MTUS2: variants seen among roughly 807,000 people sequenced by gnomAD.
MTUS2 encodes the protein microtubule-associated tumor suppressor candidate 2.
Under a neutral mutation model 114.1 loss-of-function variants are expected in MTUS2, and 40 were observed. That is an observed-to-expected ratio of 0.35 (90% confidence interval 0.27 to 0.46). The LOEUF is 0.46. Ranked by LOEUF, MTUS2 falls within the 20% of genes least tolerant of loss-of-function variation. The pLI, the probability that MTUS2 is intolerant of heterozygous loss-of-function variation, is 1.00. For missense variants in MTUS2, 1,679 were observed against 1,705.4 expected (o/e 0.98, Z 0.27); for synonymous variants, 688 against 672.0 (o/e 1.02, Z -0.37).
chr13:29,289,378 A>C (rs1242735909), intron 6 of MTUS2, among the ~76,000 whole-genome samples: 1 of 152,244 alleles, frequency 6.6e-6, no homozygotes, highest in Non-Finnish European at 1.5e-5. Flanking sequence ...GTCAGTTAAA[A>C]AATGTGTGGG....
intron 4 of MTUS2, among the ~76,000 whole-genome samples, chr13:29,041,532 G>A (rs1221013230): frequency 6.6e-6 from 1 of 152,082 alleles, no homozygotes; most frequent in Non-Finnish European, 1.5e-5. Context: ...ATTGCTTTTG[G>A]CAGTGTGGTC....
intron 2 of MTUS2, among the ~76,000 whole-genome samples, chr13:28,922,811 GT>G (rs773878957): frequency 2.0e-5 from 3 of 152,160 alleles, no homozygotes; most frequent in Non-Finnish European, 4.4e-5. Context: ...ATTTTTGGTT[GT>G]TGTGATAGTG....
intron 6 of MTUS2, among the ~76,000 whole-genome samples, chr13:29,287,060 C>T (rs372226369): frequency 4.6e-5 from 7 of 152,322 alleles, no homozygotes; most frequent in African/African-American, 1.7e-4. Flanking sequence ...ATTTGGTTCT[C>T]ACAAAGACCC....
intron 5 of MTUS2, among the ~76,000 whole-genome samples, chr13:29,142,994 A>G (rs969541782): frequency 7.2e-5 from 11 of 152,236 alleles, no homozygotes; most frequent in African/African-American, 2.7e-4. Context: ...CAAAAACCAG[A>G]GAAGATTGGA....
chr13:28,836,426 G>C (rs1875091113), intron 1 of MTUS2, among the ~76,000 whole-genome samples: 1 of 152,218 alleles, frequency 6.6e-6, no homozygotes, highest in South Asian at 2.1e-4. Context: ...AGCTTTGGCT[G>C]TAGTGCTGCA....
chr13:29,350,964 T>TATATATATATATATATATATATC (rs1566147394), intron 7 of MTUS2, among the ~76,000 whole-genome samples: 1 of 20,926 alleles, frequency 4.8e-5, no homozygotes, highest in Non-Finnish European at 1.5e-4. Flanking sequence ...ATATTTCATA[T>TATATATATATATATATATATATC]ATATATATAT....
At chr13:29,445,840 G>A (rs1402463500) in intron 9 of MTUS2, among the ~76,000 whole-genome samples, 1 of 151,998 alleles carries the variant, frequency 6.6e-6, no homozygotes, top group Admixed American at 6.5e-5. Context: ...CCTGGGAGGC[G>A]GATGTTGCAG....
intron 2 of MTUS2, among the ~76,000 whole-genome samples, chr13:28,935,286 T>C (rs769130980): frequency 2.0e-5 from 3 of 152,178 alleles, no homozygotes; most frequent in Non-Finnish European, 4.4e-5. Flanking sequence ...TCTTTTGTTC[T>C]AAACAGGAGT....
In MTUS2 at chr13:29,118,677, TGTGA is replaced by T. The variant is rs1891187632; in HGVS notation, c.2644+17711_2644+17714del. ...GATCCCTGGAGAGCAGTGGGGGTGG[TGTGA>T]GTGTTTGTGCTGAGCATGGAAATTG... On this transcript the variant is annotated intron_variant, in intron 5 of 15. Transcript: ENST00000612955. Among the ~76,000 whole-genome samples the T allele has an allele frequency of 5.3e-5, 8 of 152,216 alleles. No individual in the cohort carries two copies. In the South Asian group the frequency reaches 1.5e-3, roughly 28 times the overall value.
intron 4 of MTUS2, among the ~76,000 whole-genome samples, chr13:29,070,781 G>T (rs1888884022): frequency 6.6e-6 from 1 of 151,990 alleles, no homozygotes; most frequent in Non-Finnish European, 1.5e-5. Context: ...CTTTCTTTCT[G>T]GAATTTCTGT....
rs1001182005 is a variant in MTUS2, at chr13:29,225,321, A to G, written c.2645-56383A>G. Among the ~76,000 whole-genome samples the G allele has an allele frequency of 2.0e-5, 3 of 152,372 alleles. No individual in the cohort carries two copies. In the East Asian group the frequency reaches 5.8e-4, roughly 29 times the overall value. On this transcript the variant is annotated intron_variant, in intron 5 of 15. Transcript: ENST00000612955. ...TGGCATATGTCAGAGCAGAGGATAT[A>G]CATCATAGTGTGATCATATTTTGCC...
chr13:28,960,023 C>T (rs1883250801), intron 2 of MTUS2, among the ~76,000 whole-genome samples: 1 of 152,102 alleles, frequency 6.6e-6, no homozygotes, highest in Admixed American at 6.5e-5. Context: ...AATCTCAAAG[C>T]TAATGAGAAA....
chr13:29,034,259 T>C (rs1401811257), intron 4 of MTUS2, 134 bp downstream of exon 4: 13 of 1,179,194 alleles, frequency 1.1e-5, no homozygotes, highest in Non-Finnish European at 1.5e-5. Flanking sequence ...TCCATATGTC[T>C]GTAGATGCAG....
At chr13:29,194,847 A>G (rs59425466) in intron 5 of MTUS2, among the ~76,000 whole-genome samples, 7 of 151,646 alleles carry the variant, frequency 4.6e-5, no homozygotes, top group East Asian at 3.9e-4. Context: ...AACCAACCCA[A>G]ATGTCCAACA....
At chr13:29,014,833 C>T (rs952376284) in intron 2 of MTUS2, among the ~76,000 whole-genome samples, 1 of 152,194 alleles carries the variant, frequency 6.6e-6, no homozygotes, top group Non-Finnish European at 1.5e-5. Context: ...ATGTTCCCCT[C>T]GCTGCCACGT....
At chr13:28,945,805 A>G (rs1262450456) in intron 2 of MTUS2, among the ~76,000 whole-genome samples, 3 of 152,202 alleles carry the variant, frequency 2.0e-5, no homozygotes, top group East Asian at 1.9e-4. Flanking sequence ...AGAATTGACT[A>G]TATAGAAACT....
At chr13:29,438,870 G>A (rs1423262067) in intron 8 of MTUS2, among the ~76,000 whole-genome samples, 7 of 152,178 alleles carry the variant, frequency 4.6e-5, no homozygotes, top group Admixed American at 4.6e-4. Flanking sequence ...TGGATAACCC[G>A]AGACCCTCCC....
chr13:28,972,929 C>G (rs543974974), intron 2 of MTUS2, among the ~76,000 whole-genome samples: 1 of 152,206 alleles, frequency 6.6e-6, no homozygotes, highest in African/African-American at 2.4e-5. Flanking sequence ...TGCCCCTTCC[C>G]CCAATAAAAC....
chr13:29,005,904 G>A (rs745498883), intron 2 of MTUS2, among the ~76,000 whole-genome samples: 18 of 152,212 alleles, frequency 1.2e-4, no homozygotes, highest in Non-Finnish European at 2.1e-4. Flanking sequence ...TGCCGTTTGA[G>A]TTTTGAAGAT....
Sources: gnomAD v4.1 joint callset for allele counts (sites outside exome capture counted in the v4.1 genomes callset) on GRCh38, gnomAD v4.1.1 for gene constraint, MANE v1.5 for transcripts, NCBI Gene and HGNC (gene_info 2026-07-23, HGNC 2026-07-21) for gene names.